ZP3: variants seen among roughly 807,000 people sequenced by gnomAD.
ZP3 encodes the protein zona pellucida sperm-binding protein 3.
In ZP3, 21 loss-of-function variants were observed where a neutral mutation model predicts 35.6. That is an observed-to-expected ratio of 0.59 (90% confidence interval 0.42 to 0.85). The LOEUF (loss-of-function observed/expected upper bound fraction) is 0.85. ZP3 is among the 40% of genes least tolerant of loss of function. The pLI, the probability that ZP3 is intolerant of heterozygous loss-of-function variation, is 0.00. For missense variants in ZP3, 437 were observed against 536.5 expected (o/e 0.81, Z 1.83); for synonymous variants, 207 against 214.5 (o/e 0.96, Z 0.31).
rs760727004 is a variant in ZP3 at position 76,424,962 on chromosome 7, A to T, written c.-3A>T. 1 of 1,524,554 alleles carries T rather than the reference A, an allele frequency of 6.6e-7. No individual in the cohort carries two copies. Among genetic ancestry groups the T allele is most frequent in the South Asian group, 1.2e-5 (1 of 83,604 alleles). 94.4% of individuals were successfully genotyped at this position (1,524,554 alleles called of 1,614,324 possible). ...GGCGGCTGCCTGCTGCTCTGCAGGT[A>T]CCATGGAGCTGAGCTATAGGCTCTT... is the stretch of plus-strand genomic sequence containing the variant. On this transcript the variant is annotated 5_prime_UTR_variant, in exon 1 of 8. Coordinates refer to ENST00000394857, the MANE Select transcript of ZP3 (RefSeq NM_001110354.2).
chr7:76,420,765 C>G (rs1805485258), upstream of ZP3, among the ~76,000 whole-genome samples: 1 of 152,056 alleles, frequency 6.6e-6, no homozygotes, highest in Non-Finnish European at 1.5e-5. Flanking sequence ...GAAAGTTGCA[C>G]AGATAACACT....
chr7:76,440,991 G>A (rs1332523353), intron 7 of ZP3, among the ~76,000 whole-genome samples: 1 of 151,976 alleles, frequency 6.6e-6, no homozygotes, highest in Non-Finnish European at 1.5e-5. Flanking sequence ...GACCAACATG[G>A]AGAAACCCCA....
At chr7:76,424,055 A>G (rs78174570), upstream of ZP3, among the ~76,000 whole-genome samples, 25,297 of 151,902 alleles carry the variant, frequency 0.17, 2,403 homozygotes, top group Non-Finnish European at 0.23. Flanking sequence ...AGACCCATGA[A>G]ATTCCTCCTG....
At chr7:76,437,664 T>A (rs1309201095) in intron 5 of ZP3, among the ~76,000 whole-genome samples, 2 of 80,524 alleles carry the variant, frequency 2.5e-5, no homozygotes, top group African/African-American at 8.6e-5. Context: ...TTTCTGTATT[T>A]TTTTTTTTTT....
chr7:76,433,079 C>A lies in ZP3; in HGVS notation c.535+49C>A, dbSNP rs750057498. The A allele has an allele frequency of 2.2e-6, 3 of 1,390,968 alleles. No homozygotes were observed. The Admixed American group carries it at 5.9e-5, about 28-fold the overall frequency. 86.2% of individuals were successfully genotyped at this position (1,390,968 alleles called of 1,614,324 possible). On this transcript the variant is annotated intron_variant, in intron 3 of 7. Coordinates refer to ENST00000394857, the MANE Select transcript of ZP3 (RefSeq NM_001110354.2). Reference sequence around the variant, plus strand: ...ACATCTGTGGAAAGACCTGGGCCATCTCAGACCCCTGCCCTTGGCTGTGTC... The same window carrying A: ...ACATCTGTGGAAAGACCTGGGCCATATCAGACCCCTGCCCTTGGCTGTGTC...
upstream of ZP3, among the ~76,000 whole-genome samples, chr7:76,424,119 T>G (rs990614958): frequency 1.2e-4 from 19 of 152,088 alleles, no homozygotes; most frequent in African/African-American, 4.3e-4. Context: ...GCTCCTTATG[T>G]CTCAGATCTA....
intron 2 of ZP3, 67 bp from the exon 3 acceptor site, chr7:76,432,860 C>T: frequency 1.4e-6 from 2 of 1,379,860 alleles, no homozygotes; most frequent in Non-Finnish European, 2.0e-6. Flanking sequence ...TGAGATACTC[C>T]CCATCAGTGG....
chr7:76,416,973 T>A (rs10232333), intron 1 of ZP3, among the ~76,000 whole-genome samples: 8,178 of 45,826 alleles, frequency 0.18, 391 homozygotes, highest in South Asian at 0.3. Context: ...TATATATATA[T>A]AATTTGGCAT....
chr7:76,398,600 C>T lies in ZP3; in HGVS notation c.-67+803C>T, dbSNP rs549825483. ...GATTACAGGTGTGAGCCACCATGCC[C>T]AGCCATTTTCTCTAACTTTACATCT... is the stretch of plus-strand genomic sequence containing the variant. On this transcript the variant is annotated intron_variant, in intron 1 of 8. Transcript: ENST00000336517. 13 of 1,179,080 alleles carry T rather than the reference C, an allele frequency of 1.1e-5. No individual in the cohort carries two copies. The East Asian group carries it at 3.3e-4, about 30-fold the overall frequency. 73.0% of individuals were successfully genotyped at this position (1,179,080 alleles called of 1,614,324 possible).
At chr7:76,400,584 C>T in intron 1 of ZP3, 2 of 1,472,152 alleles carry the variant, frequency 1.4e-6, no homozygotes, top group South Asian at 2.8e-5. Flanking sequence ...CCCCCACCAG[C>T]CTCAGCTCTG....
intron 5 of ZP3, among the ~76,000 whole-genome samples, chr7:76,436,276 A>G (rs1243469821): frequency 3.3e-5 from 5 of 151,416 alleles, no homozygotes; most frequent in Non-Finnish European, 7.4e-5. Flanking sequence ...TGAATACCCG[A>G]CCTCAAACGA....
intron 1 of ZP3, 96 bp from the exon 2 acceptor site, chr7:76,429,419 C>A: frequency 8.6e-7 from 1 of 1,159,796 alleles, no homozygotes; most frequent in Non-Finnish European, 1.3e-6. Flanking sequence ...GTCTTTCTGT[C>A]CCCTTGTGGG....
At chr7:76,425,903 T>C (rs1563697342) in intron 1 of ZP3, among the ~76,000 whole-genome samples, 1 of 151,890 alleles carries the variant, frequency 6.6e-6, no homozygotes, top group Admixed American at 6.6e-5. Flanking sequence ...GCCAACATGG[T>C]GAAACCCCAT....
At chr7:76,423,755 G>A (rs113695940), upstream of ZP3, among the ~76,000 whole-genome samples, 4,922 of 152,018 alleles carry the variant, frequency 0.032, 147 homozygotes, top group East Asian at 0.14. Context: ...CCAGTTACTC[G>A]GGAGAGTAAG....
intron 1 of ZP3, among the ~76,000 whole-genome samples, chr7:76,414,956 C>T (rs1805335550): frequency 6.8e-6 from 1 of 147,000 alleles, no homozygotes; most frequent in African/African-American, 2.5e-5. Context: ...AACCAAACTA[C>T]AGATTTTATT....
intron 1 of ZP3, among the ~76,000 whole-genome samples, chr7:76,417,802 T>C (rs1805410950): frequency 6.6e-6 from 1 of 151,262 alleles, no homozygotes; most frequent in African/African-American, 2.4e-5. Context: ...CTTGCAGAGA[T>C]GGGGTCTTGC....
At position 76,402,897 on chromosome 7, in the gene ZP3, C is replaced by T. The variant is rs1216745966; in HGVS notation, c.-67+5100C>T. ...GGTCAGGCTGGTCTCAAACTCCCGA[C>T]CTCAGGTGATCCATCCGCCTCAGCC... On this transcript the variant is annotated intron_variant, in intron 1 of 8. Coordinates refer to the ZP3 transcript ENST00000336517. 4.6e-5 allele frequency among the ~76,000 whole-genome samples: 7 copies of T among 152,272 alleles called. No homozygotes were observed. In the East Asian group the frequency reaches 9.7e-4, roughly 21 times the overall value.
upstream of ZP3, among the ~76,000 whole-genome samples, chr7:76,422,765 A>C (rs533043013): frequency 6.9e-4 from 104 of 151,524 alleles, no homozygotes; most frequent in Non-Finnish European, 1.1e-3. Context: ...TGGGAGGCCG[A>C]GGAGGGAGAA....
At chr7:76,414,474 G>C (rs1805318342) in intron 1 of ZP3, among the ~76,000 whole-genome samples, 3 of 152,002 alleles carry the variant, frequency 2.0e-5, no homozygotes, top group African/African-American at 7.2e-5. Flanking sequence ...AGCCTGGCAT[G>C]ACTGGAGAGT....
Sources: gnomAD v4.1 joint callset for allele counts (sites outside exome capture counted in the v4.1 genomes callset) on GRCh38, gnomAD v4.1.1 for gene constraint, MANE v1.5 for transcripts, NCBI Gene and HGNC (gene_info 2026-07-23, HGNC 2026-07-21) for gene names.